Variants in AGBL4 observed in about 807,000 individuals in gnomAD.
AGBL4 encodes the protein AGBL carboxypeptidase 4.
A neutral mutation model predicts 66.4 loss-of-function variants in AGBL4; 58 were observed. That is an observed-to-expected ratio of 0.87 (90% CI 0.71 to 1.09). AGBL4 has a LOEUF of 1.09. Among genes scored for constraint, AGBL4 ranks in the 50% least tolerant of loss-of-function variants. The pLI, the probability that AGBL4 is intolerant of heterozygous loss-of-function variation, is 0.00. For missense variants in AGBL4, 579 were observed against 631.0 expected, an observed-to-expected ratio of 0.92 and a Z score of 0.88; for synonymous variants, 234 against 222.9, an observed-to-expected ratio of 1.05 and a Z score of -0.44.
chr1:48,626,419 A>G (rs1408724988), intron 9 of AGBL4, among the ~76,000 whole-genome samples: 1 of 152,262 alleles, frequency 6.6e-6, no homozygotes, highest in Non-Finnish European at 1.5e-5. Flanking sequence ...TTTATGGAGT[A>G]TCTGCTTTGT....
chr1:49,133,975 A>G (rs1488740629), intron 4 of AGBL4, among the ~76,000 whole-genome samples: 4 of 152,054 alleles, frequency 2.6e-5, no homozygotes, highest in Non-Finnish European at 5.9e-5. Context: ...ATATTTCAAC[A>G]GAGGTTCTTT....
rs1286447593 is a variant in AGBL4 at position 49,595,223 on chromosome 1, G to C, written c.282+102090C>G. Among the ~76,000 whole-genome samples, 3 of 152,044 alleles carry C rather than the reference G, an allele frequency of 2.0e-5. No individual in the cohort carries two copies. The East Asian group carries it at 5.8e-4, about 29-fold the overall frequency. On this transcript the variant is annotated intron_variant, in intron 3 of 13. Transcript: ENST00000371839. ...CCTGCATCAGCCTCCTGAGTAGTTG[G>C]GACTACAGGCACACACCACCACACC...
At chr1:49,827,077 G>C (rs894502749) in intron 2 of AGBL4, among the ~76,000 whole-genome samples, 7 of 152,132 alleles carry the variant, frequency 4.6e-5, no homozygotes, top group Admixed American at 1.3e-4. Flanking sequence ...ATGCATACAT[G>C]AGAAGGATCA....
chr1:48,862,789 T>G (rs1647612541), intron 6 of AGBL4, among the ~76,000 whole-genome samples: 1 of 152,196 alleles, frequency 6.6e-6, no homozygotes, highest in African/African-American at 2.4e-5. Flanking sequence ...CTTTTAAGCT[T>G]ATATAAATGG....
intron 6 of AGBL4, among the ~76,000 whole-genome samples, chr1:48,835,776 T>C (rs1238549697): frequency 1.3e-5 from 2 of 152,178 alleles, no homozygotes; most frequent in African/African-American, 4.8e-5. Context: ...TTTTAAGTTC[T>C]TCCAATAAGG....
intron 4 of AGBL4, among the ~76,000 whole-genome samples, chr1:49,170,860 G>A (rs1167132216): frequency 6.6e-6 from 1 of 152,030 alleles, no homozygotes; most frequent in Non-Finnish European, 1.5e-5. Flanking sequence ...ACAAAATTAT[G>A]TCCATTAGGA....
intron 3 of AGBL4, among the ~76,000 whole-genome samples, chr1:49,603,205 GAACT>G (rs1644995463): frequency 6.6e-6 from 1 of 152,074 alleles, no homozygotes; most frequent in Non-Finnish European, 1.5e-5. Context: ...AGGAGGGTCA[GAACT>G]AAGTAATATT....
chr1:49,554,113 A>G (rs1439492152), intron 3 of AGBL4, among the ~76,000 whole-genome samples: 5 of 152,198 alleles, frequency 3.3e-5, no homozygotes, highest in Admixed American at 6.5e-5. Flanking sequence ...AGTCTGGGTG[A>G]CAAAGCAAGA....
chr1:49,091,407 T>C (rs756182732), intron 4 of AGBL4, among the ~76,000 whole-genome samples: 7 of 151,500 alleles, frequency 4.6e-5, no homozygotes, highest in African/African-American at 1.7e-4. Flanking sequence ...TATTGAAAAA[T>C]TGGGCAAAGG....
intron 3 of AGBL4, among the ~76,000 whole-genome samples, chr1:49,359,368 CA>C (rs1644089402): frequency 6.6e-6 from 1 of 152,134 alleles, no homozygotes; most frequent in Non-Finnish European, 1.5e-5. Flanking sequence ...GTTTACCTCA[CA>C]AGTCTGAGGT....
chr1:49,733,040 G>C (rs1649576143), intron 2 of AGBL4, among the ~76,000 whole-genome samples: 1 of 152,040 alleles, frequency 6.6e-6, no homozygotes, highest in Non-Finnish European at 1.5e-5. Flanking sequence ...AAATTAAAAA[G>C]GGGAAATAAC....
intron 4 of AGBL4, among the ~76,000 whole-genome samples, chr1:49,185,594 T>G (rs1021310411): frequency 2.0e-5 from 3 of 152,164 alleles, no homozygotes; most frequent in African/African-American, 7.2e-5. Context: ...CAAGAGAAAC[T>G]TGGACATATG....
rs1251620527 is a variant in AGBL4, at chr1:48,793,667, C to A, written c.634+73524G>T. Among the ~76,000 whole-genome samples the A allele has an allele frequency of 2.6e-5, 4 of 152,166 alleles. No homozygotes were observed. In the East Asian group the frequency reaches 5.8e-4, roughly 22 times the overall value. The stretch of plus-strand genomic sequence containing the variant: ...CGGACTGTTGCCACCCATTGATAAA[C>A]AAAAAAGTTAGGTACCTTACACAAG... On this transcript the variant is annotated intron_variant, in intron 6 of 13. Transcript: ENST00000371839.
chr1:49,109,321 C>T (rs1179275567), intron 4 of AGBL4, among the ~76,000 whole-genome samples: 1 of 152,164 alleles, frequency 6.6e-6, no homozygotes, highest in East Asian at 1.9e-4. Flanking sequence ...GCACTGTCTG[C>T]CTCAACTGGA....
intron 6 of AGBL4, among the ~76,000 whole-genome samples, chr1:48,852,418 C>T (rs1647055049): frequency 6.6e-6 from 1 of 152,110 alleles, no homozygotes; most frequent in Non-Finnish European, 1.5e-5. Context: ...ATGTGTACCA[C>T]CCTCCGTGAC....
chr1:49,721,425 C>A (rs1648600785), intron 2 of AGBL4, among the ~76,000 whole-genome samples: 1 of 151,896 alleles, frequency 6.6e-6, no homozygotes, highest in African/African-American at 2.4e-5. Context: ...ACCACAAACC[C>A]ACCGGCAGGA....
At chr1:48,972,269 A>G (rs1658969518) in intron 5 of AGBL4, among the ~76,000 whole-genome samples, 1 of 152,112 alleles carries the variant, frequency 6.6e-6, no homozygotes, top group Admixed American at 6.6e-5. Flanking sequence ...GTTGGGGGAT[A>G]TGGACTTAGT....
At position 49,768,593 on chromosome 1, in the gene AGBL4, C is replaced by A. The variant is rs373876427; in HGVS notation, c.158-71156G>T. 3.2e-4 allele frequency among the ~76,000 whole-genome samples: 49 copies of A among 152,226 alleles called. 1 individual carries two copies. In the South Asian group the frequency reaches 9.3e-3, roughly 29 times the overall value. On this transcript the variant is annotated intron_variant, in intron 2 of 13. Transcript: ENST00000371839. The stretch of plus-strand genomic sequence containing the variant: ...CATAGTGAACAAGGAAAATCTGGAA[C>A]AATTCCCCTTGAGAACCAGAATGCG...
chr1:49,553,823 T>C (rs779681971), intron 3 of AGBL4, among the ~76,000 whole-genome samples: 13 of 152,304 alleles, frequency 8.5e-5, no homozygotes, highest in East Asian at 1.9e-4. Flanking sequence ...ATAATGTTTA[T>C]AATTAAAATT....
Sources: allele counts gnomAD v4.1 joint callset (sites outside exome capture counted in the v4.1 genomes callset), GRCh38; gene constraint gnomAD v4.1.1; transcripts MANE v1.5; gene names NCBI Gene and HGNC (gene_info 2026-07-23, HGNC 2026-07-21).